Variants in PIP5K1B observed in about 807,000 individuals in gnomAD.
PIP5K1B encodes the protein phosphatidylinositol 4-phosphate 5-kinase type-1 beta.
Under a neutral mutation model 67.0 loss-of-function variants are expected in PIP5K1B, and 42 were observed. The ratio of observed to expected loss-of-function variants is 0.63; its 90% confidence interval spans 0.49 to 0.81. PIP5K1B has a LOEUF of 0.81. Ranked by LOEUF, PIP5K1B falls within the 30% of genes least tolerant of loss-of-function variation. The pLI is 0.00. For synonymous variants in PIP5K1B, 214 were observed against 231.4 expected, an observed-to-expected ratio of 0.92 and a Z score of 0.68; for missense variants, 459 against 646.3, an observed-to-expected ratio of 0.71 and a Z score of 3.14.
intron 8 of PIP5K1B, among the ~76,000 whole-genome samples, chr9:68,909,133 C>T (rs889821861): frequency 2.0e-4 from 31 of 152,120 alleles, no homozygotes; most frequent in Admixed American, 1.6e-3. Flanking sequence ...CAGGTATAGA[C>T]GTGCATTTTA....
chr9:68,887,436 C>T (rs1291455371), intron 6 of PIP5K1B, among the ~76,000 whole-genome samples: 2 of 152,060 alleles, frequency 1.3e-5, no homozygotes, highest in Admixed American at 1.3e-4. Context: ...GTGGCTAGAG[C>T]TAAAGTTGAA....
intron 2 of PIP5K1B, among the ~76,000 whole-genome samples, chr9:68,815,917 A>T (rs1032657179): frequency 6.6e-6 from 1 of 152,196 alleles, no homozygotes; most frequent in Non-Finnish European, 1.5e-5. Context: ...GAGTGAATTT[A>T]GTAAGACATA....
At chr9:68,820,056 C>T (rs1350071290) in intron 3 of PIP5K1B, among the ~76,000 whole-genome samples, 1 of 152,174 alleles carries the variant, frequency 6.6e-6, no homozygotes, top group Non-Finnish European at 1.5e-5. Context: ...TAGTTAACCT[C>T]TCATTAAGGT....
intron 3 of PIP5K1B, among the ~76,000 whole-genome samples, chr9:68,821,116 A>T (rs2132066084): frequency 6.6e-6 from 1 of 152,194 alleles, no homozygotes; most frequent in Non-Finnish European, 1.5e-5. Context: ...TGTCTCTAAC[A>T]AAATAATTAC....
Position 68,876,871 on chromosome 9 carries a change from G to GGCTT in PIP5K1B, c.318+79_318+82dup, listed in dbSNP as rs1823924661. 6 of 773,010 alleles carry GGCTT rather than the reference G, an allele frequency of 7.8e-6. No individual in the cohort carries two copies. In the Admixed American group the frequency reaches 1.2e-4, roughly 15 times the overall value. 47.9% of individuals were successfully genotyped at this position (773,010 alleles called of 1,614,324 possible). A position where few individuals can be genotyped will look rare whatever the true frequency, so the allele number is the denominator to read the frequency against. On this transcript the variant is annotated intron_variant, in intron 6 of 15. Transcript: ENST00000265382. ...TTGTCTCATAGCAACAGCAACAAGT[G>GGCTT]GCTTGTGTCTCTCATTTTATAAAGC...
chr9:68,953,778 C>T (rs914496989), intron 14 of PIP5K1B, among the ~76,000 whole-genome samples: 1 of 146,366 alleles, frequency 6.8e-6, no homozygotes, highest in African/African-American at 2.6e-5. Context: ...TGTACTCCAG[C>T]CTGGGCAACA....
At chr9:68,954,712 G>GA (rs2132707714) in intron 14 of PIP5K1B, among the ~76,000 whole-genome samples, 1 of 152,298 alleles carries the variant, frequency 6.6e-6, no homozygotes, top group South Asian at 2.1e-4. Flanking sequence ...GAGGACTAGC[G>GA]AAAAATGTTG....
chr9:68,757,933 C>T (rs940141386), intron 2 of PIP5K1B, among the ~76,000 whole-genome samples: 10 of 151,816 alleles, frequency 6.6e-5, no homozygotes, highest in African/African-American at 1.9e-4. Context: ...AGTGGCAGGA[C>T]GATGAGGGGA....
intron 6 of PIP5K1B, among the ~76,000 whole-genome samples, chr9:68,885,432 T>C (rs1294236911): frequency 6.6e-6 from 1 of 152,222 alleles, no homozygotes; most frequent in Non-Finnish European, 1.5e-5. Context: ...TCTTTCTAAA[T>C]TAATTTAAAA....
rs1824652523 is a variant in PIP5K1B at position 68,889,389 on chromosome 9, C to T, written c.471+256C>T. Among the ~76,000 whole-genome samples, 5 of 152,136 alleles carry T rather than the reference C, an allele frequency of 3.3e-5. No individual in the cohort carries two copies. The South Asian group carries it at 1.0e-3, about 32-fold the overall frequency. ...CTCAGCCAATAATTAACTGTGTGACCCTGAGTAAGCAGCATAACTGGTCAG... is the reference window on the plus strand; with the variant it reads ...CTCAGCCAATAATTAACTGTGTGACTCTGAGTAAGCAGCATAACTGGTCAG... On this transcript the variant is annotated intron_variant, in intron 7 of 15. Coordinates refer to ENST00000265382, the MANE Select transcript of PIP5K1B (RefSeq NM_003558.4).
chr9:68,957,119 C>CATCT (rs1828438978), intron 14 of PIP5K1B, among the ~76,000 whole-genome samples: 3 of 152,160 alleles, frequency 2.0e-5, no homozygotes, highest in Admixed American at 6.5e-5. Flanking sequence ...CTCTGCCATG[C>CATCT]TTCACTCTGG....
At chr9:68,831,873 C>T (rs1238713708) in intron 4 of PIP5K1B, among the ~76,000 whole-genome samples, 4 of 152,076 alleles carry the variant, frequency 2.6e-5, no homozygotes, top group South Asian at 2.1e-4. Flanking sequence ...GACAGAGTTT[C>T]GCCATGTTGT....
chr9:68,754,187 TGA>T lies in PIP5K1B; in HGVS notation c.-86+11533_-86+11534del, dbSNP rs1564109774. 3.7e-4 allele frequency among the ~76,000 whole-genome samples: 51 copies of T among 138,826 alleles called. 1 individual carries two copies. The South Asian group carries it at 6.5e-3, about 18-fold the overall frequency. 91.1% of individuals were successfully genotyped at this position (138,826 alleles called of 152,430 possible). A position where few individuals can be genotyped will look rare whatever the true frequency, so the allele number is the denominator to read the frequency against. On this transcript the variant is annotated intron_variant, in intron 2 of 15. Coordinates refer to ENST00000265382, the MANE Select transcript of PIP5K1B (RefSeq NM_003558.4). ...TGTTCCATGATTTCTTTTTTTTTTTTGAGACAGAGTCTCGCTCTGTCGCCCAG... is the reference window on the plus strand; with the variant it reads ...TGTTCCATGATTTCTTTTTTTTTTTTGACAGAGTCTCGCTCTGTCGCCCAG...
chr9:68,770,232 A>G (rs1830612197), intron 2 of PIP5K1B, among the ~76,000 whole-genome samples: 1 of 152,218 alleles, frequency 6.6e-6, no homozygotes, highest in African/African-American at 2.4e-5. Flanking sequence ...CACTGTTTCA[A>G]GCTGGTATCC....
At chr9:68,746,076 C>CTTTT (rs11306038) in intron 2 of PIP5K1B, among the ~76,000 whole-genome samples, 25 of 107,092 alleles carry the variant, frequency 2.3e-4, no homozygotes, top group African/African-American at 8.4e-4. Flanking sequence ...TGTGTTAACT[C>CTTTT]TTTTTTTTTT....
intron 14 of PIP5K1B, among the ~76,000 whole-genome samples, chr9:68,947,864 C>T (rs62569165): frequency 0.13 from 19,468 of 152,224 alleles, 1,549 homozygotes; most frequent in East Asian, 0.39. Context: ...ATTCTAGACA[C>T]ATGGGATAGA....
At chr9:68,732,923 G>T (rs1362407037) in intron 1 of PIP5K1B, among the ~76,000 whole-genome samples, 1 of 151,670 alleles carries the variant, frequency 6.6e-6, no homozygotes. Context: ...GGTTGGGGGG[G>T]GGGCGGCGCG....
chr9:68,951,560 G>A (rs1408540617), intron 14 of PIP5K1B, among the ~76,000 whole-genome samples: 6 of 152,158 alleles, frequency 3.9e-5, no homozygotes, highest in East Asian at 1.9e-4. Flanking sequence ...TTAGGGAACC[G>A]GTCGAGCCTT....
intron 2 of PIP5K1B, among the ~76,000 whole-genome samples, chr9:68,777,063 C>T (rs1220691717): frequency 6.6e-6 from 1 of 152,154 alleles, no homozygotes; most frequent in Non-Finnish European, 1.5e-5. Context: ...AGTAACACAC[C>T]TGCATGGGCT....
Sources: gnomAD v4.1 joint callset for allele counts (sites outside exome capture counted in the v4.1 genomes callset) on GRCh38, gnomAD v4.1.1 for gene constraint, MANE v1.5 for transcripts, NCBI Gene and HGNC (gene_info 2026-07-23, HGNC 2026-07-21) for gene names.